Variants in SETD1A observed in about 807,000 individuals in gnomAD.
SETD1A encodes SET domain containing 1A, histone lysine methyltransferase, also known as histone-lysine N-methyltransferase SETD1A.
Under a neutral mutation model 149.9 loss-of-function variants are expected in SETD1A, and 29 were observed. The ratio of observed to expected loss-of-function variants is 0.19; its 90% CI spans 0.14 to 0.26. SETD1A has a LOEUF of 0.26. Ranked by LOEUF, SETD1A falls within the 10% of genes least tolerant of loss-of-function variation. The pLI is 1.00. For synonymous variants in SETD1A, 1,141 were observed against 968.5 expected (o/e 1.18, Z -3.31); for missense variants, 2,109 against 2,353.1 (o/e 0.90, Z 2.15).
At position 30,963,488 on chromosome 16, in the gene SETD1A, G is replaced by C. The variant is rs1183401209; in HGVS notation, c.573G>C (p.Gln191His). The C allele has an allele frequency of 8.7e-6, 14 of 1,613,530 alleles. No homozygotes were observed. In the Admixed American group the frequency reaches 2.2e-4, roughly 25 times the overall value. Reference sequence around the variant, plus strand: ...TTGTCAATGGCTCCTACACCCCTCAGACTGTGCCCACTGGGGGCAAGGCCC... The same window carrying C: ...TTGTCAATGGCTCCTACACCCCTCACACTGTGCCCACTGGGGGCAAGGCCC... Reference protein sequence around the residue: ...ELIVNGSYTPQTVPTGGKALS... With the variant: ...ELIVNGSYTPHTVPTGGKALS... Residue 191 changes from glutamine (Q) to histidine (H), a missense_variant, in exon 5 of 19, where the codon CAG becomes CAC. By Grantham distance (24) the Gln-to-His change is conservative. Transcript: ENST00000262519.
chr16:30,984,154 C>T lies in SETD1A; in HGVS notation c.*131C>T, dbSNP rs2056423414. On this transcript the variant is annotated 3_prime_UTR_variant, in exon 19 of 19. Transcript: ENST00000262519. ...TCTCCAAGCGTGGGGTTGGGGGCCC[C>T]AAGCCCAGCGAGGGAGCCTCAGTCC... The T allele has an allele frequency of 7.4e-6, 6 of 812,382 alleles. No individual in the cohort carries two copies. The highest frequency in any genetic ancestry group is 1.1e-5 in the Non-Finnish European group (6 of 535,394). The allele number at this position is 812,382 out of a possible 1,614,324, so 50.3% of individuals were successfully genotyped here.
At chr16:30,977,966 G>A (rs1260807072) in intron 13 of SETD1A, among the ~76,000 whole-genome samples, 1 of 152,190 alleles carries the variant, frequency 6.6e-6, no homozygotes, top group Non-Finnish European at 1.5e-5. Context: ...CTGTGCCTCA[G>A]TTTTCCTGTC....
intron 13 of SETD1A, among the ~76,000 whole-genome samples, chr16:30,977,709 C>T (rs2056300994): frequency 6.6e-6 from 1 of 152,206 alleles, no homozygotes. Context: ...GGCTGAGACC[C>T]CAGCGGGTGT....
rs1025260651 is a variant in SETD1A at position 30,966,022 on chromosome 16, C to A, written c.2141C>A (p.Ala714Asp). ...AGPPGGAFGEAFLPFPPPQEA... is the reference protein window; with the variant it reads ...AGPPGGAFGEDFLPFPPPQEA... ...CCCCCCGGTGGGGCCTTTGGGGAGG[C>A]CTTCCTCCCGTTTCCACCCCCGCAG... The change falls in exon 8 of 19, where the codon GCC becomes GAC. Residue 714 changes from alanine (A) to aspartate (D), a missense_variant. Transcript: ENST00000262519. 1.3e-6 allele frequency: 2 copies of A among 1,564,292 alleles called. No individual in the cohort carries two copies. Among genetic ancestry groups the A allele is most frequent in the Non-Finnish European group, 1.7e-6 (2 of 1,155,420 alleles).
chr16:30,968,811 T>A lies in SETD1A; in HGVS notation c.2771-494T>A, dbSNP rs538524019. 3.4e-3 allele frequency among the ~76,000 whole-genome samples: 500 copies of A among 146,414 alleles called. 2 individuals are homozygous for A. Among genetic ancestry groups the A allele is most frequent in the African/African-American group, 7.8e-3 (310 of 39,724 alleles). On this transcript the variant is annotated intron_variant, in intron 10 of 18. Coordinates refer to ENST00000262519, the MANE Select transcript of SETD1A (RefSeq NM_014712.3). ...CGAGACTCCGTCTCAAAAAAAAAAATATATATATATATGCCAGGCACGATG... is the reference window on the plus strand; with the variant it reads ...CGAGACTCCGTCTCAAAAAAAAAAAAATATATATATATGCCAGGCACGATG...
chr16:30,964,480 ACTAG>A (rs2056106051), intron 6 of SETD1A, 128 bp from the exon 7 acceptor site: 5 of 1,467,036 alleles, frequency 3.4e-6, no homozygotes, highest in Non-Finnish European at 4.6e-6. Flanking sequence ...CGGGGAACAC[ACTAG>A]CTAGGAACCC....
At chr16:30,963,978 C>T (rs574993202) in intron 5 of SETD1A, 116 bp from the exon 6 acceptor site, 39 of 836,808 alleles carry the variant, frequency 4.7e-5, no homozygotes, top group African/African-American at 1.9e-4. Flanking sequence ...GGCAATAGAG[C>T]GAGACTCCGT....
rs765987379 is a variant in SETD1A, at chr16:30,980,023, C to T, written c.4237C>T (p.Arg1413Cys). Reference protein sequence around the residue: ...PPPPPPPPPPRAYEPRSEFEQ... With the variant: ...PPPPPPPPPPCAYEPRSEFEQ... ...GCCCCCACCCCCGCCGCCACCGCCC[C>T]GCGCCTACGAGCCACGCAGTGAGTT... is the stretch of plus-strand genomic sequence containing the variant. Residue 1413 changes from arginine to cysteine, a missense_variant, in exon 14 of 19, where the codon CGC (arginine) becomes TGC (cysteine). By Grantham distance (180) the Arg-to-Cys change is radical (BLOSUM62 -3). Coordinates refer to ENST00000262519, the MANE Select transcript of SETD1A (RefSeq NM_014712.3). This position sits in a 1 kb window ranked among gnomAD's most constrained non-coding sequence, Gnocchi z 7.7. The T allele has an allele frequency of 1.3e-5, 20 of 1,577,478 alleles. No homozygotes were observed. The highest frequency in any genetic ancestry group is 2.8e-5 in the African/African-American group (2 of 72,466).
rs765987379 is a variant in SETD1A, at chr16:30,980,023, C to G, written c.4237C>G (p.Arg1413Gly). 6.3e-7 allele frequency: 1 copy of G among 1,577,478 alleles called. No individual in the cohort carries two copies. Among genetic ancestry groups the G allele is most frequent in the Non-Finnish European group, 8.6e-7 (1 of 1,165,040 alleles). ...GCCCCCACCCCCGCCGCCACCGCCC[C>G]GCGCCTACGAGCCACGCAGTGAGTT... Reference protein sequence around the residue: ...PPPPPPPPPPRAYEPRSEFEQ... With the variant: ...PPPPPPPPPPGAYEPRSEFEQ... The change falls in exon 14 of 19, where the codon CGC (arginine) becomes GGC (glycine). Residue 1413 changes from arginine (R) to glycine (G), a missense_variant. Around this residue, in one of 8 missense-constraint regions of SETD1A, gnomAD observed 832 missense variants for 815.6 expected, o/e 1.02. Coordinates refer to ENST00000262519, the MANE Select transcript of SETD1A (RefSeq NM_014712.3). This position sits in a 1 kb window ranked among gnomAD's most constrained non-coding sequence, Gnocchi z 7.7.
At chr16:30,966,849 T>C in intron 8 of SETD1A, 35 bp from the exon 9 acceptor site, 1 of 1,517,158 alleles carries the variant, frequency 6.6e-7, no homozygotes, top group Non-Finnish European at 8.8e-7. Context: ...GCCTGGGTTC[T>C]GGGCGCTGGG....
At chr16:30,978,492 G>T (rs2056315571) in intron 13 of SETD1A, among the ~76,000 whole-genome samples, 1 of 152,074 alleles carries the variant, frequency 6.6e-6, no homozygotes, top group East Asian at 1.9e-4. Context: ...GAGCCAGTGT[G>T]TTCCCTCCCC....
chr16:30,978,663 G>A (rs1056708084), intron 13 of SETD1A, among the ~76,000 whole-genome samples: 1 of 152,214 alleles, frequency 6.6e-6, no homozygotes, highest in South Asian at 2.1e-4. Context: ...AGGTTGTATC[G>A]TGTTCACCTT....
intron 1 of SETD1A, 75 bp downstream of exon 1, chr16:30,958,039 C>T (rs914514910): frequency 1.3e-5 from 2 of 150,802 alleles, no homozygotes; most frequent in Admixed American, 6.6e-5. Context: ...GCTGCGGGGC[C>T]GGGTCTCGCG....
At chr16:30,964,499 T>TA in intron 6 of SETD1A, 113 bp from the exon 7 acceptor site, 1 of 1,515,258 alleles carries the variant, frequency 6.6e-7, no homozygotes, top group Non-Finnish European at 8.9e-7. Context: ...GAACCCAACA[T>TA]ATAGCTCTTC....
At position 30,958,706 on chromosome 16, in the gene SETD1A, T is replaced by C. The variant is rs1271554108; in HGVS notation, c.-15-11T>C. 1 of 1,613,118 alleles carries C rather than the reference T, an allele frequency of 6.2e-7. No homozygotes were observed. The highest frequency in any genetic ancestry group is 8.5e-7 in the Non-Finnish European group (1 of 1,179,280). ...CCTGATCCTTCTTGCGTGTCCCTCT[T>C]CCCCTAACAGTGTAAATGAGCAAAG... is the stretch of plus-strand genomic sequence containing the variant. On this transcript the variant is annotated splice_polypyrimidine_tract_variant and intron_variant, in intron 1 of 18. Transcript: ENST00000262519.
At position 30,965,098 on chromosome 16, in the gene SETD1A, G is replaced by C; in HGVS notation, c.1356G>C (p.Glu452Asp). ...GGGGGGGPSP[E>D]REEVRTSPRP... Reference sequence around the variant, plus strand: ...GGGGTGGAGGAGGGCCCAGCCCTGAGAGAGAAGAAGTTCGGACTTCCCCCC... The same window carrying C: ...GGGGTGGAGGAGGGCCCAGCCCTGACAGAGAAGAAGTTCGGACTTCCCCCC... Residue 452 changes from glutamate (E) to aspartate (D), a missense_variant, in exon 7 of 19, where the codon GAG (glutamate) becomes GAC (aspartate). Transcript: ENST00000262519. 1 of 1,611,550 alleles carries C rather than the reference G, an allele frequency of 6.2e-7. No homozygotes were observed.
At chr16:30,967,444 G>C (rs530560203) in intron 9 of SETD1A, 57 bp from the exon 10 acceptor site, 15 of 1,515,114 alleles carry the variant, frequency 9.9e-6, no homozygotes, top group African/African-American at 2.7e-5. Flanking sequence ...GTGAGCCACC[G>C]TGCTCTGCCT....
Position 30,971,201 on chromosome 16 carries a change from C to G in SETD1A, c.3017-177C>G, listed in dbSNP as rs756462468. Among the ~76,000 whole-genome samples, 4 of 152,290 alleles carry G rather than the reference C, an allele frequency of 2.6e-5. No individual in the cohort carries two copies. In the East Asian group the frequency reaches 7.7e-4, roughly 29 times the overall value. On this transcript the variant is annotated intron_variant, in intron 12 of 18. Coordinates refer to ENST00000262519, the MANE Select transcript of SETD1A (RefSeq NM_014712.3). Reference sequence around the variant, plus strand: ...CTGGGGCTTCCTTTGCCATCCTCCCCGCATGCTGATGTTTATCTCACAGTG... The same window carrying G: ...CTGGGGCTTCCTTTGCCATCCTCCCGGCATGCTGATGTTTATCTCACAGTG...
In SETD1A at chr16:30,965,410, C is replaced by T. The variant is rs753499121; in HGVS notation, c.1668C>T (p.Ser556=). 9.3e-6 allele frequency: 15 copies of T among 1,604,802 alleles called. No homozygotes were observed. Among genetic ancestry groups the T allele is most frequent in the African/African-American group, 5.4e-5 (4 of 74,558 alleles). Residue 556 remains serine (S), a synonymous_variant, in exon 7 of 19, where the codon AGC becomes AGT. Coordinates refer to ENST00000262519, the MANE Select transcript of SETD1A (RefSeq NM_014712.3). The part of the protein sequence containing the change: ...ANFEDVAPTG[S]GEPGATRESP... ...TTGAGGATGTGGCACCTACAGGGAG[C>T]GGGGAGCCAGGGGCTACCCGGGAGT...
Sources: gnomAD v4.1 joint callset for allele counts (sites outside exome capture counted in the v4.1 genomes callset) on GRCh38, gnomAD v4.1.1 for gene constraint, gnomAD v4.1.1 regional missense constraint, Gnocchi (gnomAD v3.1) non-coding constraint, MANE v1.5 for transcripts, NCBI Gene and HGNC (gene_info 2026-07-23, HGNC 2026-07-21) for gene names.